The following RIMS2 variants were observed in gnomAD, a reference collection of about 807,000 sequenced individuals.
RIMS2 encodes regulating synaptic membrane exocytosis 2.
A neutral mutation model predicts 174.4 loss-of-function variants in RIMS2; 59 were observed. The ratio of observed to expected loss-of-function variants is 0.34; its 90% CI spans 0.27 to 0.42. The LOEUF is 0.42. Ranked by LOEUF, RIMS2 falls within the 10% of genes least tolerant of loss-of-function variation. RIMS2 has a pLI of 1.00. For synonymous variants in RIMS2, 606 were observed against 572.5 expected, an observed-to-expected ratio of 1.06 and a Z score of -0.84; for missense variants, 1,620 against 1,666.3, an observed-to-expected ratio of 0.97 and a Z score of 0.48.
At chr8:104,057,715 C>T (rs183160046) in intron 19 of RIMS2, among the ~76,000 whole-genome samples, 24,322 of 109,898 alleles carry the variant, frequency 0.22, 2,865 homozygotes, top group Middle Eastern at 0.31. Flanking sequence ...CTATCTCTTC[C>T]CCCTCCCCCC....
At chr8:103,971,971 A>T (rs976539227) in intron 15 of RIMS2, among the ~76,000 whole-genome samples, 1 of 152,168 alleles carries the variant, frequency 6.6e-6, no homozygotes, top group Non-Finnish European at 1.5e-5. Flanking sequence ...AATGTTACTG[A>T]TTCATGTTGG....
intron 3 of RIMS2, among the ~76,000 whole-genome samples, chr8:103,817,576 T>C (rs1026884447): frequency 1.3e-5 from 2 of 152,054 alleles, no homozygotes; most frequent in Non-Finnish European, 2.9e-5. Flanking sequence ...CGGTCAGGAG[T>C]TTGAGACCAG....
At chr8:104,018,294 A>G (rs902092611) in intron 19 of RIMS2, among the ~76,000 whole-genome samples, 2 of 152,216 alleles carry the variant, frequency 1.3e-5, no homozygotes, top group African/African-American at 4.8e-5. Context: ...CTGACTGTGT[A>G]TCTAAAATAA....
intron 19 of RIMS2, among the ~76,000 whole-genome samples, chr8:104,035,071 T>TTATA (rs2096486726): frequency 6.6e-6 from 1 of 152,162 alleles, no homozygotes; most frequent in African/African-American, 2.4e-5. Context: ...AATCTTGGAC[T>TTATA]TATATAGTTC....
chr8:103,819,199 A>G, intron 3 of RIMS2: 1 of 1,189,810 alleles, frequency 8.4e-7, no homozygotes, highest in Non-Finnish European at 1.0e-6. Context: ...TGAGTAGAGT[A>G]CATGAAAGCA....
At chr8:103,905,478 T>C (rs2074175331) in intron 4 of RIMS2, among the ~76,000 whole-genome samples, 1 of 152,144 alleles carries the variant, frequency 6.6e-6, no homozygotes, top group Non-Finnish European at 1.5e-5. Flanking sequence ...CCCCTTTAGG[T>C]AAGGTGTTGC....
chr8:103,739,907 T>C (rs2097739593), intron 2 of RIMS2, among the ~76,000 whole-genome samples: 1 of 152,180 alleles, frequency 6.6e-6, no homozygotes, highest in African/African-American at 2.4e-5. Context: ...GACTAAGTCC[T>C]CAAGTGTCAT....
chr8:103,895,354 A>T (rs370570282), intron 4 of RIMS2, among the ~76,000 whole-genome samples: 5 of 151,528 alleles, frequency 3.3e-5, no homozygotes, highest in African/African-American at 1.2e-4. Flanking sequence ...GAGGTTGGGA[A>T]GTTTGAGATT....
At chr8:103,786,187 G>A (rs2098442055) in intron 3 of RIMS2, among the ~76,000 whole-genome samples, 1 of 152,020 alleles carries the variant, frequency 6.6e-6, no homozygotes. Context: ...CTTGCTAGTG[G>A]TCTATCAATT....
intron 19 of RIMS2, among the ~76,000 whole-genome samples, chr8:104,112,103 T>C (rs1168416843): frequency 2.0e-5 from 3 of 152,146 alleles, no homozygotes; most frequent in Non-Finnish European, 4.4e-5. Flanking sequence ...CCCTCTTCAT[T>C]AAAAGAATTA....
At chr8:103,816,647 A>C (rs1476201264) in intron 3 of RIMS2, among the ~76,000 whole-genome samples, 2 of 152,162 alleles carry the variant, frequency 1.3e-5, no homozygotes, top group African/African-American at 4.8e-5. Flanking sequence ...GGGCAGGTGA[A>C]AGGGTGGTAA....
intron 19 of RIMS2, among the ~76,000 whole-genome samples, chr8:104,035,972 A>G (rs1309143939): frequency 1.3e-5 from 2 of 152,122 alleles, no homozygotes; most frequent in Non-Finnish European, 2.9e-5. Context: ...CATTGTAACC[A>G]TGAAGTGAAA....
chr8:103,641,605 T>C (rs971323191), intron 1 of RIMS2, among the ~76,000 whole-genome samples: 1 of 152,088 alleles, frequency 6.6e-6, no homozygotes, highest in African/African-American at 2.4e-5. Flanking sequence ...TATGGTAGTG[T>C]TGGGAAGTAG....
chr8:103,741,632 C>G (rs1374105360), intron 2 of RIMS2, among the ~76,000 whole-genome samples: 1 of 152,044 alleles, frequency 6.6e-6, no homozygotes, highest in Non-Finnish European at 1.5e-5. Context: ...ACCATCCTTT[C>G]ACTTAGAGGC....
chr8:103,748,511 C>T (rs1312563479), intron 2 of RIMS2, among the ~76,000 whole-genome samples: 1 of 152,026 alleles, frequency 6.6e-6, no homozygotes, highest in African/African-American at 2.4e-5. Context: ...GTGAATGAAG[C>T]TTTATACCCT....
intron 9 of RIMS2, 36 bp downstream of exon 12, chr8:103,918,523 A>C: frequency 7.1e-7 from 1 of 1,410,820 alleles, no homozygotes; most frequent in East Asian, 2.3e-5. Flanking sequence ...AACGTTATTT[A>C]TAATTGCATT....
At chr8:103,951,570 A>G (rs922846469) in intron 14 of RIMS2, among the ~76,000 whole-genome samples, 6 of 152,188 alleles carry the variant, frequency 3.9e-5, no homozygotes, top group African/African-American at 4.8e-5. Flanking sequence ...ACTCTGGCCC[A>G]GATACTGTGC....
intron 11 of RIMS2, among the ~76,000 whole-genome samples, 196 bp from the exon 14 acceptor site, chr8:103,931,067 A>G (rs2154531654): frequency 6.6e-6 from 1 of 152,278 alleles, no homozygotes; most frequent in East Asian, 1.9e-4. Context: ...AGTCAAACTG[A>G]AATGTCTGAA....
At chr8:104,025,001 T>C (rs1366113211) in intron 19 of RIMS2, among the ~76,000 whole-genome samples, 1 of 152,144 alleles carries the variant, frequency 6.6e-6, no homozygotes, top group Non-Finnish European at 1.5e-5. Flanking sequence ...CATACAAATC[T>C]TCATAGAAAG....
Sources: gnomAD v4.1 joint callset for allele counts (sites outside exome capture counted in the v4.1 genomes callset) on GRCh38, gnomAD v4.1.1 for gene constraint, MANE v1.5 for transcripts, NCBI Gene and HGNC (gene_info 2026-07-23, HGNC 2026-07-21) for gene names.